The following RTTN variants were observed in gnomAD, a reference collection of about 807,000 sequenced individuals.
RTTN encodes rotatin.
A neutral mutation model predicts 269.2 loss-of-function variants in RTTN; 182 were observed. That is an observed-to-expected ratio of 0.68 (90% confidence interval 0.60 to 0.76). The LOEUF (loss-of-function observed/expected upper bound fraction) is 0.76. Ranked by LOEUF, RTTN falls within the 30% of genes least tolerant of loss-of-function variation. The pLI is 0.00. For synonymous variants in RTTN, 1,006 were observed against 963.5 expected (o/e 1.04, Z -0.82); for missense variants, 2,545 against 2,608.6 (o/e 0.98, Z 0.53).
intron 30 of RTTN, among the ~76,000 whole-genome samples, chr18:70,089,400 T>G (rs1157398125): frequency 6.6e-6 from 1 of 152,206 alleles, no homozygotes; most frequent in South Asian, 2.1e-4. Flanking sequence ...ATGTTGACAC[T>G]CTGATCTTGG....
At chr18:70,100,089 T>C (rs1218818954) in intron 28 of RTTN, among the ~76,000 whole-genome samples, 2 of 152,256 alleles carry the variant, frequency 1.3e-5, no homozygotes, top group South Asian at 2.1e-4. Flanking sequence ...ATTTGAACTT[T>C]AAAGTAGTTT....
At chr18:70,167,237 TGA>T (rs2061011915) in intron 12 of RTTN, among the ~76,000 whole-genome samples, 1 of 152,212 alleles carries the variant, frequency 6.6e-6, no homozygotes, top group African/African-American at 2.4e-5. Flanking sequence ...AAATGCCACA[TGA>T]GACTTTCTAT....
At chr18:70,133,356 C>T (rs2060044316) in intron 23 of RTTN, among the ~76,000 whole-genome samples, 3 of 152,268 alleles carry the variant, frequency 2.0e-5, no homozygotes, top group South Asian at 4.1e-4. Flanking sequence ...AGCACAACAA[C>T]TTCGTAATAC....
chr18:70,081,815 CT>C (rs2058576855), intron 32 of RTTN, among the ~76,000 whole-genome samples: 1 of 151,610 alleles, frequency 6.6e-6, no homozygotes, highest in South Asian at 2.1e-4. Context: ...AGTGGGACAA[CT>C]GAAAATCCTT....
intron 28 of RTTN, among the ~76,000 whole-genome samples, chr18:70,093,091 G>C (rs2058896359): frequency 6.6e-6 from 1 of 152,176 alleles, no homozygotes; most frequent in Admixed American, 6.5e-5. Context: ...TGTAGTCCCA[G>C]CTACCGGGGA....
At chr18:70,204,750 G>A (rs2062034203) in intron 2 of RTTN, among the ~76,000 whole-genome samples, 1 of 152,170 alleles carries the variant, frequency 6.6e-6, no homozygotes, top group South Asian at 2.1e-4. Context: ...CTTAACATTG[G>A]TATTTATGAA....
chr18:70,189,266 T>G (rs2061616558), intron 9 of RTTN, among the ~76,000 whole-genome samples: 1 of 152,220 alleles, frequency 6.6e-6, no homozygotes, highest in Non-Finnish European at 1.5e-5. Flanking sequence ...AAGCACTTAC[T>G]GAGTAAAAAG....
chr18:70,181,834 A>T (rs1023550252), intron 10 of RTTN, among the ~76,000 whole-genome samples: 1 of 152,234 alleles, frequency 6.6e-6, no homozygotes, highest in Non-Finnish European at 1.5e-5. Flanking sequence ...TAAATCAAAT[A>T]TAATTTGAAG....
At chr18:70,088,619 A>G (rs936777552) in intron 30 of RTTN, among the ~76,000 whole-genome samples, 5 of 152,206 alleles carry the variant, frequency 3.3e-5, no homozygotes, top group Non-Finnish European at 5.9e-5. Context: ...AAAGTTATTC[A>G]AGAGAAAAAC....
At chr18:70,203,396 C>T (rs760813921) in intron 3 of RTTN, among the ~76,000 whole-genome samples, 8 of 152,052 alleles carry the variant, frequency 5.3e-5, no homozygotes, top group Middle Eastern at 3.2e-3. Flanking sequence ...TTAGTAGTGA[C>T]GGGGCACCAT....
intron 43 of RTTN, among the ~76,000 whole-genome samples, chr18:70,025,845 A>C (rs368123365): frequency 5.9e-5 from 9 of 152,278 alleles, no homozygotes; most frequent in Admixed American, 5.2e-4. Flanking sequence ...CCTGCCAGAG[A>C]TTGATACATC....
At chr18:70,103,762 C>A (rs1253068407) in intron 28 of RTTN, among the ~76,000 whole-genome samples, 151 of 117,916 alleles carry the variant, frequency 1.3e-3, no homozygotes, top group South Asian at 3.0e-3. Flanking sequence ...ATAAATACTT[C>A]AAAAAAAAAA....
chr18:70,204,345 T>C, intron 2 of RTTN, 82 bp from the exon 3 acceptor site: 1 of 1,354,358 alleles, frequency 7.4e-7, no homozygotes, highest in East Asian at 2.3e-5. Flanking sequence ...AAAATTATTT[T>C]TGGTATATCA....
intron 10 of RTTN, among the ~76,000 whole-genome samples, chr18:70,187,605 A>G (rs2061576437): frequency 1.3e-5 from 2 of 152,210 alleles, no homozygotes; most frequent in South Asian, 2.1e-4. Flanking sequence ...AGATTAGTCT[A>G]TCTCAAAAAG....
intron 26 of RTTN, among the ~76,000 whole-genome samples, chr18:70,118,140 A>G (rs2059645324): frequency 6.6e-6 from 1 of 152,016 alleles, no homozygotes; most frequent in African/African-American, 2.4e-5. Context: ...ATGAAATAGA[A>G]ACTGGAAAAA....
intron 28 of RTTN, among the ~76,000 whole-genome samples, chr18:70,097,696 CA>C (rs2145304128): frequency 6.6e-6 from 1 of 152,304 alleles, no homozygotes; most frequent in Non-Finnish European, 1.5e-5. Context: ...CTTTAGCTAA[CA>C]AACTGTTACT....
intron 35 of RTTN, among the ~76,000 whole-genome samples, chr18:70,060,873 TATTTC>T (rs1229075913): frequency 1.3e-5 from 2 of 152,150 alleles, no homozygotes; most frequent in Middle Eastern, 3.2e-3. Context: ...GTGCCTGGCT[TATTTC>T]ATTTAACACA....
chr18:70,203,014 T>C (rs2061990119), intron 3 of RTTN, among the ~76,000 whole-genome samples: 2 of 152,068 alleles, frequency 1.3e-5, no homozygotes. Flanking sequence ...ATAAATTGCA[T>C]GAAGATGTTT....
rs1423767671 is a variant in RTTN, at chr18:70,020,773, G to A, written c.5995C>T (p.Gln1999Ter). The change falls in exon 45 of 49, where the codon CAA (glutamine) becomes TAA (stop). Residue 1999 changes from glutamine to a stop codon, truncating the protein, a stop_gained. Transcript: ENST00000640769. LOFTEE classifies it high-confidence loss of function. ...CWSSCGQHPV[Q>*]ATHRGAVSNS... ...CTCACGGCTCCTCTATGTGTAGCTT[G>A]AACAGGGTGTTGTCCACAACTTGAC... 17 of 1,613,764 alleles carry A rather than the reference G, an allele frequency of 1.1e-5. No homozygotes were observed. Among genetic ancestry groups the A allele is most frequent in the Non-Finnish European group, 1.4e-5 (16 of 1,179,884 alleles).
Sources: allele counts gnomAD v4.1 joint callset (sites outside exome capture counted in the v4.1 genomes callset), GRCh38; gene constraint gnomAD v4.1.1; transcripts MANE v1.5; gene names NCBI Gene and HGNC (gene_info 2026-07-23, HGNC 2026-07-21).